The following SFRP4 variants were observed in gnomAD, a reference collection of about 807,000 sequenced individuals.
SFRP4 encodes secreted frizzled-related protein 4.
SFRP4 carries 25 observed loss-of-function variants against 36.3 expected under a neutral mutation model. The ratio of observed to expected loss-of-function variants is 0.69; its 90% CI spans 0.50 to 0.96. The LOEUF is 0.96. Ranked by LOEUF, SFRP4 falls within the 40% of genes least tolerant of loss-of-function variation. The probability of loss-of-function intolerance (pLI) is 0.00; values close to 1 mark genes in which losing one functional copy is unlikely to be tolerated. For missense variants in SFRP4, 487 were observed against 459.6 expected, an observed-to-expected ratio of 1.06 and a Z score of -0.54; for synonymous variants, 182 against 168.8, an observed-to-expected ratio of 1.08 and a Z score of -0.60.
At position 37,916,736 on chromosome 7, in the gene SFRP4, G is replaced by T; in HGVS notation, c.-199C>A. 1.3e-6 allele frequency: 1 copy of T among 779,042 alleles called. No individual in the cohort carries two copies. The highest frequency in any genetic ancestry group is 2.0e-6 in the Non-Finnish European group (1 of 500,834). 48.3% of individuals were successfully genotyped at this position (779,042 alleles called of 1,614,324 possible). On this transcript the variant is annotated 5_prime_UTR_variant, in exon 1 of 6. Coordinates refer to ENST00000436072, the MANE Select transcript of SFRP4 (RefSeq NM_003014.4). This position sits in a 1 kb window ranked among gnomAD's most constrained non-coding sequence, Gnocchi z 4.1. ...CTCCGCCGTCTGGCACACAGGGCAC[G>T]AGCAGCGCCAGCTCTCAGCCTTCGG...
At position 37,916,432 on chromosome 7, in the gene SFRP4, G is replaced by T. The variant is rs142701985; in HGVS notation, c.106C>A (p.Pro36Thr). Residue 36 changes from proline (P) to threonine (T), a missense_variant, in exon 1 of 6, where the codon CCC (proline) becomes ACC (threonine). Pro to Thr is a conservative substitution (Grantham distance 38). Transcript: ENST00000436072. This position sits in a 1 kb window ranked among gnomAD's most constrained non-coding sequence, Gnocchi z 4.1. ...AVRIPMCRHM[P>T]WNITRMPNHL... is the part of the protein sequence containing the mutation. ...TTGGGCATCCGCGTGATGTTCCAGGGCATGTGCCGGCACATAGGGATGCGC... is the reference window on the plus strand; with the variant it reads ...TTGGGCATCCGCGTGATGTTCCAGGTCATGTGCCGGCACATAGGGATGCGC... The T allele has an allele frequency of 1.7e-5, 28 of 1,613,930 alleles. No homozygotes were observed. In the African/African-American group the frequency reaches 3.7e-4, roughly 22 times the overall value.
intron 4 of SFRP4, among the ~76,000 whole-genome samples, chr7:37,910,085 T>A (rs1258106368): frequency 6.6e-6 from 1 of 152,028 alleles, no homozygotes; most frequent in African/African-American, 2.4e-5. Flanking sequence ...TATACAGTAG[T>A]GTGCACTGGC....
chr7:37,906,169 G>A lies in SFRP4; in HGVS notation c.*1310C>T, dbSNP rs1785391343. 1 of 152,138 alleles carries A rather than the reference G, an allele frequency of 6.6e-6. No homozygotes were observed. Among genetic ancestry groups the A allele is most frequent in the African/African-American group, 2.4e-5 (1 of 41,422 alleles). 9.4% of individuals were successfully genotyped at this position (152,138 alleles called of 1,614,324 possible). ...TTTATTTGTTCAAATCATTTTATAA[G>A]TGCATAAGAAACACCTGGAGAATAA... is the stretch of plus-strand genomic sequence containing the variant. On this transcript the variant is annotated 3_prime_UTR_variant, in exon 6 of 6. Transcript: ENST00000436072.
chr7:37,916,000 C>T, intron 1 of SFRP4, 93 bp downstream of exon 1: 4 of 1,508,912 alleles, frequency 2.7e-6, no homozygotes, highest in Non-Finnish European at 3.5e-6. Context: ...CTCAGACGCC[C>T]CTGGCAGCCT....
chr7:37,913,771 G>T (rs1324400686), intron 3 of SFRP4, among the ~76,000 whole-genome samples: 1 of 152,176 alleles, frequency 6.6e-6, no homozygotes, highest in Non-Finnish European at 1.5e-5. Context: ...CAAGTAAAAG[G>T]ATATGCAGGC....
chr7:37,907,942 A>C (rs1785423951), intron 5 of SFRP4, among the ~76,000 whole-genome samples: 1 of 152,194 alleles, frequency 6.6e-6, no homozygotes, highest in South Asian at 2.1e-4. Flanking sequence ...GGTTATTTGC[A>C]GTGCACAGAG....
rs1234184204 is a variant in SFRP4, at chr7:37,916,132, A to C, written c.406T>G (p.Cys136Gly). 22 of 1,613,770 alleles carry C rather than the reference A, an allele frequency of 1.4e-5. No individual in the cohort carries two copies. Among genetic ancestry groups the C allele is most frequent in the African/African-American group, 4.0e-5 (3 of 74,890 alleles). ...GTGACGATGGCTTCAGGCGAGATGC[A>C]CACGCCACGGTCATAGACAGGCAGC... The part of the protein sequence containing the change: ...DELPVYDRGV[C>G]ISPEAIVTDL... Residue 136 changes from cysteine (C) to glycine (G), a missense_variant, in exon 1 of 6, where the codon TGC becomes GGC. Cys to Gly is a radical substitution (Grantham distance 159, BLOSUM62 -3). Transcript: ENST00000436072. The surrounding 1 kb of genome is among the most constrained non-coding windows in gnomAD (Gnocchi z 4.1).
chr7:37,914,325 ACT>A (rs772392667), intron 2 of SFRP4, 46 bp downstream of exon 2: 1 of 1,610,906 alleles, frequency 6.2e-7, no homozygotes, highest in Admixed American at 1.7e-5. Context: ...AACAGAAATC[ACT>A]CTGGAGAGGA....
rs370943434 is a variant in SFRP4, at chr7:37,914,206, G to C, written c.592+7C>G. 1 of 1,610,688 alleles carries C rather than the reference G, an allele frequency of 6.2e-7. No homozygotes were observed. Among genetic ancestry groups the C allele is most frequent in the South Asian group, 1.1e-5 (1 of 90,966 alleles). On this transcript the variant is annotated splice_region_variant and intron_variant, in intron 3 of 5. Transcript: ENST00000436072. ...TCAAAAGTAAATGGCTTTAACAGAC[G>C]ACTTACCATAGCTGTAGTTTTTGCT...
Position 37,914,402 on chromosome 7 carries a change from A to G in SFRP4, c.497T>C (p.Leu166Pro). Residue 166 changes from leucine to proline, a missense_variant, in exon 2 of 6, where the codon CTT becomes CCT. Transcript: ENST00000436072. ...GCTTAGGCGTTTACAGTCAACATCA[A>G]GAGGCCTTTCCTGTACCATCATGTC... ...TPDMMVQERP[L>P]DVDCKRLSPD... is the part of the protein sequence containing the mutation. 6.2e-7 allele frequency: 1 copy of G among 1,614,088 alleles called. No individual in the cohort carries two copies. Among genetic ancestry groups the G allele is most frequent in the Non-Finnish European group, 8.5e-7 (1 of 1,179,908 alleles).
intron 4 of SFRP4, among the ~76,000 whole-genome samples, chr7:37,910,701 T>C (rs958321684): frequency 1.3e-5 from 2 of 152,190 alleles, no homozygotes; most frequent in Admixed American, 6.5e-5. Context: ...GTGAAAAGAA[T>C]GTATTTTTTT....
chr7:37,914,212 C>T lies in SFRP4; in HGVS notation c.592+1G>A. The T allele has an allele frequency of 6.2e-7, 1 of 1,612,528 alleles. No homozygotes were observed. The highest frequency in any genetic ancestry group is 2.2e-5 in the East Asian group (1 of 44,882). ...GTAAATGGCTTTAACAGACGACTTA[C>T]CATAGCTGTAGTTTTTGCTGAGATA... On this transcript the variant is annotated splice_donor_variant, in intron 3 of 5. Coordinates refer to ENST00000436072, the MANE Select transcript of SFRP4 (RefSeq NM_003014.4). LOFTEE classifies it high-confidence loss of function.
chr7:37,910,628 TA>T (rs1458716614), intron 4 of SFRP4, among the ~76,000 whole-genome samples: 1 of 152,136 alleles, frequency 6.6e-6, no homozygotes, highest in Non-Finnish European at 1.5e-5. Context: ...GTCCTTTTTT[TA>T]AAGTTCTTAG....
intron 4 of SFRP4, among the ~76,000 whole-genome samples, chr7:37,910,030 C>T (rs984863233): frequency 2.6e-5 from 4 of 151,802 alleles, no homozygotes; most frequent in African/African-American, 9.7e-5. Context: ...GCTGAATTCC[C>T]CTTTTGCTTA....
At chr7:37,913,989 C>G (rs1309309880) in intron 3 of SFRP4, among the ~76,000 whole-genome samples, 3 of 152,156 alleles carry the variant, frequency 2.0e-5, no homozygotes, top group Non-Finnish European at 4.4e-5. Flanking sequence ...TTTTTATCAC[C>G]TGGGTCATTT....
In SFRP4 at chr7:37,912,257, A is replaced by G; in HGVS notation, c.653T>C (p.Val218Ala). Residue 218 changes from valine to alanine, a missense_variant, in exon 4 of 6, where the codon GTG (valine) becomes GCG (alanine). Physicochemically the swap from Val to Ala is moderately conservative, Grantham distance 64 (BLOSUM62 0). Coordinates refer to ENST00000436072, the MANE Select transcript of SFRP4 (RefSeq NM_003014.4). ...GGACTTGAAGATCTCTTTTACATCC[A>G]CCACCGTTGTGACCTCATTGCAGCC... ...RSGCNEVTTV[V>A]DVKEIFKSSS... 1 of 1,614,134 alleles carries G rather than the reference A, an allele frequency of 6.2e-7. No homozygotes were observed. The highest frequency in any genetic ancestry group is 8.5e-7 in the Non-Finnish European group (1 of 1,179,962).
At chr7:37,914,787 C>T (rs1337347504) in intron 1 of SFRP4, among the ~76,000 whole-genome samples, 1 of 152,166 alleles carries the variant, frequency 6.6e-6, no homozygotes, top group Non-Finnish European at 1.5e-5. Flanking sequence ...ATCGCTTGAA[C>T]CCGGGAGGCG....
rs147145122 is a variant in SFRP4 at position 37,907,573 on chromosome 7, G to T, written c.947C>A (p.Pro316Gln). The T allele has an allele frequency of 1.3e-3, 2,085 of 1,613,730 alleles. 5 individuals are homozygous for T. The highest frequency in any genetic ancestry group is 1.6e-3 in the Non-Finnish European group (1,939 of 1,179,830). Reference sequence around the variant, plus strand: ...TTTGGGAGCAGGAGGCTTTCCCTTTGGTTTGGGGGGATTACTACGACTGGT... The same window carrying T: ...TTTGGGAGCAGGAGGCTTTCCCTTTTGTTTGGGGGGATTACTACGACTGGT... ...GRTSRSNPPK[P>Q]KGKPPAPKPA... Residue 316 changes from proline (P) to glutamine (Q), a missense_variant, in exon 6 of 6, where the codon CCA becomes CAA. Transcript: ENST00000436072.
intron 3 of SFRP4, 105 bp downstream of exon 3, chr7:37,914,105 TTTG>T: frequency 1.2e-6 from 1 of 827,804 alleles, no homozygotes; most frequent in Admixed American, 2.3e-5. Context: ...TAGTCAACCT[TTTG>T]TTTTCTTTAC....
Sources: allele counts gnomAD v4.1 joint callset (sites outside exome capture counted in the v4.1 genomes callset), GRCh38; gene constraint gnomAD v4.1.1; non-coding constraint Gnocchi (gnomAD v3.1); transcripts MANE v1.5; gene names NCBI Gene and HGNC (gene_info 2026-07-23, HGNC 2026-07-21).